SEPTIN2: variants seen among roughly 807,000 people sequenced by gnomAD.
SEPTIN2 encodes septin 2, also known as septin-2.
SEPTIN2 carries 34 observed loss-of-function variants against 46.5 expected under a neutral mutation model. That is an observed-to-expected ratio of 0.73 (90% CI 0.56 to 0.97). SEPTIN2 has a LOEUF of 0.97. Among genes scored for constraint, SEPTIN2 ranks in the 50% least tolerant of loss-of-function variants. The probability of loss-of-function intolerance (pLI) is 0.00; values close to 1 mark genes in which losing one functional copy is unlikely to be tolerated. For missense variants in SEPTIN2, 347 were observed against 448.4 expected, an observed-to-expected ratio of 0.77 and a Z score of 2.04; for synonymous variants, 175 against 153.4, an observed-to-expected ratio of 1.14 and a Z score of -1.04.
At chr2:241,320,320 G>T (rs1328147029) in intron 1 of SEPTIN2, 1 of 470,896 alleles carries the variant, frequency 2.1e-6, no homozygotes, top group Admixed American at 2.4e-5. Context: ...AGTGATACTT[G>T]TTTTAGTCAG....
intron 10 of SEPTIN2, among the ~76,000 whole-genome samples, chr2:241,347,755 T>A (rs992737714): frequency 6.6e-6 from 1 of 152,094 alleles, no homozygotes; most frequent in Non-Finnish European, 1.5e-5. Context: ...GCGTGGTGGC[T>A]CATGCCTGTA....
chr2:241,346,063 T>G, intron 9 of SEPTIN2, 103 bp from the exon 10 acceptor site: 1 of 755,602 alleles, frequency 1.3e-6, no homozygotes, highest in Non-Finnish European at 2.2e-6. Flanking sequence ...ACCAAGTAAT[T>G]TTAATTACTG....
At chr2:241,344,878 TGACATGGTGAAACCAGCCTGGCC>T (rs1190675585) in intron 9 of SEPTIN2, among the ~76,000 whole-genome samples, 5 of 151,762 alleles carry the variant, frequency 3.3e-5, no homozygotes, top group Non-Finnish European at 2.9e-5. Context: ...CCAGCCTGGC[TGACATGGTGAAACCAGCCTGGCC>T]GACATGGTGA....
At chr2:241,325,880 T>G in intron 2 of SEPTIN2, 113 bp from the exon 3 acceptor site, 2 of 997,560 alleles carry the variant, frequency 2.0e-6, no homozygotes, top group Non-Finnish European at 1.4e-6. Flanking sequence ...TTTATACTTT[T>G]TAAAAAATTT....
Position 241,339,156 on chromosome 2 carries a change from G to C in SEPTIN2, c.594+1366G>C, listed in dbSNP as rs540952691. The stretch of plus-strand genomic sequence containing the variant: ...CGCCTGTAATCCCTGCACTTTGGAA[G>C]GCTGAGGCAGGCACATCACCAGAGG... On this transcript the variant is annotated intron_variant, in intron 7 of 12. Coordinates refer to ENST00000391971, the MANE Select transcript of SEPTIN2 (RefSeq NM_004404.5). Among the ~76,000 whole-genome samples, 97 of 149,490 alleles carry C rather than the reference G, an allele frequency of 6.5e-4. 1 individual carries two copies. Among genetic ancestry groups the C allele is most frequent in the African/African-American group, 2.3e-3 (93 of 40,540 alleles).
chr2:241,343,999 T>C, intron 9 of SEPTIN2, 102 bp downstream of exon 9: 1 of 1,357,722 alleles, frequency 7.4e-7, no homozygotes, highest in East Asian at 2.3e-5. Flanking sequence ...AGCCAGCAGC[T>C]TCATTGCCGC....
chr2:241,318,161 C>G (rs2076647352), intron 1 of SEPTIN2: 2 of 151,248 alleles, frequency 1.3e-5, no homozygotes, highest in East Asian at 1.9e-4. Context: ...GCAGGAGAAA[C>G]TTGGTAAAGT....
chr2:241,348,255 T>G, intron 11 of SEPTIN2, 64 bp downstream of exon 11: 1 of 1,398,528 alleles, frequency 7.2e-7, no homozygotes, highest in South Asian at 1.2e-5. Context: ...TGAGACAGAG[T>G]TTTGCACCAT....
chr2:241,342,198 C>A (rs2081338435), intron 7 of SEPTIN2, among the ~76,000 whole-genome samples: 1 of 152,148 alleles, frequency 6.6e-6, no homozygotes, highest in African/African-American at 2.4e-5. Flanking sequence ...TCAAAATGCA[C>A]CCCATGTGTC....
Position 241,346,295 on chromosome 2 carries a change from A to G in SEPTIN2, c.926+46A>G, listed in dbSNP as rs763130420. On this transcript the variant is annotated intron_variant, in intron 10 of 12. Coordinates refer to ENST00000391971, the MANE Select transcript of SEPTIN2 (RefSeq NM_004404.5). ...TCTCTGTATTGTGTCACCCTGAGCC[A>G]CAATGTTCCTCCTCCTCTATGTGTT... The G allele has an allele frequency of 6.2e-6, 9 of 1,462,762 alleles. 1 individual carries two copies. The highest frequency in any genetic ancestry group is 3.5e-4 in the Middle Eastern group (2 of 5,732). 90.6% of individuals were successfully genotyped at this position (1,462,762 alleles called of 1,614,324 possible).
intron 11 of SEPTIN2, among the ~76,000 whole-genome samples, 189 bp downstream of exon 11, chr2:241,348,380 A>C (rs1485740124): frequency 6.6e-6 from 1 of 151,998 alleles, no homozygotes; most frequent in Non-Finnish European, 1.5e-5. Context: ...GGTGCCCGCC[A>C]CCATGCCTGG....
chr2:241,316,489 A>G (rs1575095876), intron 1 of SEPTIN2: 2 of 1,506,336 alleles, frequency 1.3e-6, no homozygotes, highest in South Asian at 2.5e-5. Flanking sequence ...AAGCGAGGGG[A>G]GAGCGACTAG....
intron 1 of SEPTIN2, 133 bp from the exon 2 acceptor site, chr2:241,324,083 T>C (rs1003819080): frequency 2.2e-5 from 17 of 764,344 alleles, no homozygotes; most frequent in Non-Finnish European, 3.4e-5. Context: ...GTCCTGAAAT[T>C]GTATTTTCTT....
At chr2:241,330,975 G>T (rs1235517625) in intron 3 of SEPTIN2, among the ~76,000 whole-genome samples, 2 of 152,114 alleles carry the variant, frequency 1.3e-5, no homozygotes, top group African/African-American at 4.8e-5. Context: ...TTTAAGACCA[G>T]CCCCCCCAAC....
chr2:241,326,427 C>T (rs1039343420), intron 3 of SEPTIN2, among the ~76,000 whole-genome samples: 3 of 151,864 alleles, frequency 2.0e-5, no homozygotes, highest in African/African-American at 7.3e-5. Context: ...TAGGGTTTTA[C>T]CTGTGTAGCC....
chr2:241,320,324 T>C (rs1292591706), intron 1 of SEPTIN2: 1 of 471,034 alleles, frequency 2.1e-6, no homozygotes, highest in South Asian at 1.5e-5. Flanking sequence ...ATACTTGTTT[T>C]AGTCAGATTT....
At chr2:241,326,220 G>A in intron 3 of SEPTIN2, 107 bp downstream of exon 3, 1 of 1,086,144 alleles carries the variant, frequency 9.2e-7, no homozygotes. Context: ...ATTTGGCAGA[G>A]TCAAATAACT....
chr2:241,330,271 CAG>C (rs1408751358), intron 3 of SEPTIN2, among the ~76,000 whole-genome samples: 5 of 152,118 alleles, frequency 3.3e-5, no homozygotes, highest in African/African-American at 7.2e-5. Context: ...GTGCAGAAAA[CAG>C]GGACACAATA....
chr2:241,336,246 T>A, intron 5 of SEPTIN2, 148 bp downstream of exon 5: 2 of 884,382 alleles, frequency 2.3e-6, no homozygotes, highest in East Asian at 2.7e-5. Flanking sequence ...AATGTTGACT[T>A]TTTAAATAAG....
Sources: allele counts gnomAD v4.1 joint callset (sites outside exome capture counted in the v4.1 genomes callset), GRCh38; gene constraint gnomAD v4.1.1; transcripts MANE v1.5; gene names NCBI Gene and HGNC (gene_info 2026-07-23, HGNC 2026-07-21).